Variants in PDZRN4 observed in about 807,000 individuals in gnomAD.
The protein encoded by PDZRN4 is PDZ domain-containing RING finger protein 4.
Under a neutral mutation model 99.0 loss-of-function variants are expected in PDZRN4, and 70 were observed. The ratio of observed to expected loss-of-function variants is 0.71; its 90% CI spans 0.58 to 0.86. The LOEUF (loss-of-function observed/expected upper bound fraction) is 0.86, where lower values mean the gene tolerates loss of function less well. Ranked by LOEUF, PDZRN4 falls within the 40% of genes least tolerant of loss-of-function variation. The pLI, the probability that PDZRN4 is intolerant of heterozygous loss-of-function variation, is 0.00. For missense variants in PDZRN4, 1,474 were observed against 1,331.2 expected (o/e 1.11, Z -1.67); for synonymous variants, 551 against 501.6 (o/e 1.10, Z -1.32).
rs766893966 is a variant in PDZRN4, at chr12:41,390,562, C to CAAAAA, written c.844-115883_844-115879dup. On this transcript the variant is annotated intron_variant, in intron 3 of 9. Coordinates refer to ENST00000402685, the MANE Select transcript of PDZRN4 (RefSeq NM_001164595.2). ...AGTCTGGGGTTTGAGAACTCCTAAG[C>CAAAAA]AAAAAAAAAAAAAAAGTAAAAGCTT... 2.1e-3 allele frequency among the ~76,000 whole-genome samples: 215 copies of CAAAAA among 101,348 alleles called. 6 individuals carry two copies. The highest frequency in any genetic ancestry group is 6.9e-3 in the African/African-American group (190 of 27,578). The allele number at this position is 101,348 out of a possible 152,430, so 66.5% of individuals were successfully genotyped here.
chr12:41,533,988 C>A (rs1438118687), intron 5 of PDZRN4, among the ~76,000 whole-genome samples: 1 of 151,888 alleles, frequency 6.6e-6, no homozygotes, highest in African/African-American at 2.4e-5. Context: ...TCTTTTAGTG[C>A]TTATCTTAGA....
chr12:41,271,442 C>T (rs1282328134), intron 3 of PDZRN4, among the ~76,000 whole-genome samples: 1 of 152,062 alleles, frequency 6.6e-6, no homozygotes, highest in Admixed American at 6.6e-5. Flanking sequence ...TTTGAAAAGT[C>T]GTTCTTCCCT....
Position 41,244,604 on chromosome 12 carries a change from G to A in PDZRN4, c.843+50416G>A, listed in dbSNP as rs1028076809. ...CCTTCAGCAGGTCCAGCAGACTCCC[G>A]CCTCAGAGTGTTGCCCATGCCAGGC... On this transcript the variant is annotated intron_variant, in intron 3 of 9. Transcript: ENST00000402685. Among the ~76,000 whole-genome samples the A allele has an allele frequency of 4.0e-5, 6 of 150,532 alleles. No homozygotes were observed. The South Asian group carries it at 8.4e-4, about 21-fold the overall frequency.
intron 3 of PDZRN4, among the ~76,000 whole-genome samples, chr12:41,446,064 CAAAAAGCTT>C (rs1349303704): frequency 6.6e-6 from 1 of 150,376 alleles, no homozygotes; most frequent in Non-Finnish European, 1.5e-5. Flanking sequence ...CTTCCCTCAA[CAAAAAGCTT>C]AAAAGGTAGC....
chr12:41,566,431 T>C (rs77061089), intron 8 of PDZRN4, among the ~76,000 whole-genome samples: 426 of 152,308 alleles, frequency 2.8e-3, no homozygotes, highest in African/African-American at 9.6e-3. Context: ...CAATTATAAA[T>C]TGGGCTGAAT....
intron 5 of PDZRN4, among the ~76,000 whole-genome samples, chr12:41,541,661 G>A (rs1779996317): frequency 6.6e-6 from 1 of 151,702 alleles, no homozygotes; most frequent in Admixed American, 6.6e-5. Context: ...CACCGTGTTA[G>A]CCAGGATGGT....
At chr12:41,379,295 TG>T (rs1952105281) in intron 3 of PDZRN4, among the ~76,000 whole-genome samples, 1 of 151,020 alleles carries the variant, frequency 6.6e-6, no homozygotes, top group Admixed American at 6.6e-5. Flanking sequence ...TCATCAATTT[TG>T]TTTAGCTTTT....
chr12:41,478,842 C>A (rs1234831494), intron 3 of PDZRN4, among the ~76,000 whole-genome samples: 2 of 152,054 alleles, frequency 1.3e-5, no homozygotes, highest in African/African-American at 4.8e-5. Flanking sequence ...TGAAGCTATG[C>A]TAATGTTTGA....
intron 3 of PDZRN4, among the ~76,000 whole-genome samples, chr12:41,472,960 T>A (rs927869196): frequency 5.9e-5 from 9 of 152,214 alleles, no homozygotes; most frequent in Admixed American, 5.2e-4. Context: ...ATCTTTGCAA[T>A]GTAGCTAACT....
At chr12:41,339,290 A>C (rs1041602968) in intron 3 of PDZRN4, among the ~76,000 whole-genome samples, 6 of 152,114 alleles carry the variant, frequency 3.9e-5, no homozygotes, top group African/African-American at 1.4e-4. Flanking sequence ...CAGTGAACTC[A>C]GTTTTGACGA....
chr12:41,305,800 C>T (rs1951565951), intron 3 of PDZRN4, among the ~76,000 whole-genome samples: 1 of 152,138 alleles, frequency 6.6e-6, no homozygotes, highest in South Asian at 2.1e-4. Flanking sequence ...ATGTAAAATA[C>T]ATTTGTTCCA....
At chr12:41,234,671 A>AT (rs1951053514) in intron 3 of PDZRN4, among the ~76,000 whole-genome samples, 1 of 152,144 alleles carries the variant, frequency 6.6e-6, no homozygotes, top group Admixed American at 6.6e-5. Context: ...AATCACATGC[A>AT]TAAAAACCCT....
At chr12:41,210,447 A>G (rs1343271331) in intron 3 of PDZRN4, among the ~76,000 whole-genome samples, 1 of 152,044 alleles carries the variant, frequency 6.6e-6, no homozygotes, top group African/African-American at 2.4e-5. Context: ...ATGTTAAATT[A>G]TTATTGATAT....
At chr12:41,290,905 T>C in intron 3 of PDZRN4, among the ~76,000 whole-genome samples, 1 of 152,236 alleles carries the variant, frequency 6.6e-6, no homozygotes, top group East Asian at 1.9e-4. Context: ...TTCATTTCCT[T>C]AAACATTCTT....
At chr12:41,510,350 G>A (rs1565602343) in intron 5 of PDZRN4, among the ~76,000 whole-genome samples, 1 of 151,806 alleles carries the variant, frequency 6.6e-6, no homozygotes, top group African/African-American at 2.4e-5. Context: ...TGTGCCTCTG[G>A]TCTGTACTCT....
intron 3 of PDZRN4, among the ~76,000 whole-genome samples, chr12:41,382,147 A>G (rs960674362): frequency 5.3e-5 from 8 of 152,146 alleles, no homozygotes; most frequent in African/African-American, 1.9e-4. Context: ...AATTGGACTG[A>G]GCTTCAGAAT....
At chr12:41,238,062 G>A (rs959346347) in intron 3 of PDZRN4, among the ~76,000 whole-genome samples, 2 of 152,156 alleles carry the variant, frequency 1.3e-5, no homozygotes, top group African/African-American at 2.4e-5. Context: ...ACTTTGAGCA[G>A]TACAGCCATT....
chr12:41,482,040 A>G (rs1162798970), intron 3 of PDZRN4, among the ~76,000 whole-genome samples: 1 of 152,168 alleles, frequency 6.6e-6, no homozygotes, highest in Non-Finnish European at 1.5e-5. Context: ...GAGGACTTCA[A>G]ATTCATTTTG....
At chr12:41,555,658 T>A in intron 6 of PDZRN4, 40 bp from the exon 7 acceptor site, 1 of 1,489,470 alleles carries the variant, frequency 6.7e-7, no homozygotes, top group Non-Finnish European at 9.3e-7. Flanking sequence ...TGAGGGAATG[T>A]TTCATACCCA....
Sources: allele counts gnomAD v4.1 joint callset (sites outside exome capture counted in the v4.1 genomes callset), GRCh38; gene constraint gnomAD v4.1.1; transcripts MANE v1.5; gene names NCBI Gene and HGNC (gene_info 2026-07-23, HGNC 2026-07-21).